MYO16: variants seen among roughly 807,000 people sequenced by gnomAD.
MYO16 encodes the protein unconventional myosin-XVI.
In MYO16, 94 loss-of-function variants were observed where a neutral mutation model predicts 205.3. The ratio of observed to expected loss-of-function variants is 0.46; its 90% CI spans 0.39 to 0.54. The LOEUF (loss-of-function observed/expected upper bound fraction) is 0.54, where lower values mean the gene tolerates loss of function less well. Ranked by LOEUF, MYO16 falls within the 20% of genes least tolerant of loss-of-function variation. The pLI is 0.00. For synonymous variants in MYO16, 988 were observed against 954.0 expected, an observed-to-expected ratio of 1.04 and a Z score of -0.66; for missense variants, 2,315 against 2,387.5, an observed-to-expected ratio of 0.97 and a Z score of 0.63.
chr13:108,983,328 C>T (rs1399049448), intron 20 of MYO16, among the ~76,000 whole-genome samples: 2 of 152,158 alleles, frequency 1.3e-5, no homozygotes, highest in African/African-American at 4.8e-5. Flanking sequence ...AGAAAGTGAT[C>T]AGCCCCAGGA....
upstream of MYO16, among the ~76,000 whole-genome samples, chr13:108,626,487 T>C (rs1879740751): frequency 6.6e-6 from 1 of 152,190 alleles, no homozygotes; most frequent in African/African-American, 2.4e-5. Flanking sequence ...TTCTTGCTAC[T>C]GTCATCAACT....
chr13:108,571,096 A>T, the MYO16 span, among the ~76,000 whole-genome samples: 1 of 152,218 alleles, frequency 6.6e-6, no homozygotes, highest in African/African-American at 2.4e-5. Flanking sequence ...AAAGAAAAAA[A>T]AGATAGCAGA....
At chr13:108,577,520 A>G in the MYO16 span, among the ~76,000 whole-genome samples, 5 of 152,144 alleles carry the variant, frequency 3.3e-5, no homozygotes, top group Admixed American at 2.0e-4. Context: ...CATCTGGAAC[A>G]CCACATCCAA....
intron 4 of MYO16, among the ~76,000 whole-genome samples, chr13:108,774,913 A>G (rs1452706713): frequency 2.0e-5 from 3 of 152,140 alleles, no homozygotes; most frequent in Non-Finnish European, 2.9e-5. Context: ...CCTAATCCAT[A>G]TGTTCTTATA....
intron 27 of MYO16, among the ~76,000 whole-genome samples, chr13:109,056,502 C>G (rs1449393764): frequency 6.6e-6 from 1 of 152,140 alleles, no homozygotes; most frequent in Non-Finnish European, 1.5e-5. Flanking sequence ...ATATATGCTA[C>G]TAAGCACTAT....
At chr13:108,651,472 G>T (rs576361146) in intron 1 of MYO16, among the ~76,000 whole-genome samples, 2 of 152,302 alleles carry the variant, frequency 1.3e-5, no homozygotes, top group African/African-American at 4.8e-5. Flanking sequence ...AAGGGAAATA[G>T]TAAGTGTCAG....
chr13:108,972,377 T>C lies in MYO16; in HGVS notation c.2369+7475T>C, dbSNP rs1341346072. Among the ~76,000 whole-genome samples the C allele has an allele frequency of 1.4e-4, 9 of 63,018 alleles. 2 individuals carry two copies. The East Asian group carries it at 2.4e-3, about 17-fold the overall frequency. The allele number at this position is 63,018 out of a possible 152,430, so 41.3% of individuals were successfully genotyped here. ...ATATATATATATATATATATATATA[T>C]ATATATATATATATATATATAGTGG... On this transcript the variant is annotated intron_variant, in intron 20 of 34. Coordinates refer to ENST00000457511, the MANE Select transcript of MYO16 (RefSeq NM_001198950.3).
intron 4 of MYO16, among the ~76,000 whole-genome samples, chr13:108,745,114 GAT>G (rs2139621648): frequency 6.6e-6 from 1 of 152,298 alleles, no homozygotes; most frequent in East Asian, 1.9e-4. Flanking sequence ...GAAAATCGGT[GAT>G]GTTTCTTGGA....
rs138719509 is a variant in MYO16 at position 109,028,881 on chromosome 13, C to T, written c.2796+8970C>T. Among the ~76,000 whole-genome samples, 238 of 151,586 alleles carry T rather than the reference C, an allele frequency of 1.6e-3. 1 individual carries two copies. Among genetic ancestry groups the T allele is most frequent in the Non-Finnish European group, 2.9e-3 (194 of 67,904 alleles). ...TGACGTGAGGAAAAGAATGAAGTCA[C>T]TGATTTGTAGCCCGTCTGTAAAATA... is the stretch of plus-strand genomic sequence containing the variant. On this transcript the variant is annotated intron_variant, in intron 23 of 34. Transcript: ENST00000457511.
At chr13:108,671,441 C>T (rs1466320953) in intron 2 of MYO16, among the ~76,000 whole-genome samples, 2 of 152,046 alleles carry the variant, frequency 1.3e-5, no homozygotes, top group East Asian at 1.9e-4. Flanking sequence ...AGCAAGGCAA[C>T]CTATATAATT....
chr13:109,166,976 T>G (rs1878694701), intron 33 of MYO16: 1 of 152,220 alleles, frequency 6.6e-6, no homozygotes, highest in Non-Finnish European at 1.5e-5. Flanking sequence ...CACAGTCATC[T>G]TGAGACTTGA....
chr13:108,754,303 G>A (rs34787508), intron 4 of MYO16, among the ~76,000 whole-genome samples: 67,425 of 152,006 alleles, frequency 0.44, 15,461 homozygotes, highest in East Asian at 0.63. Flanking sequence ...GCTGTAGCAT[G>A]CAGGACAAGC....
intron 3 of MYO16, among the ~76,000 whole-genome samples, chr13:108,714,223 T>C (rs572115393): frequency 1.5e-3 from 231 of 152,184 alleles, no homozygotes; most frequent in African/African-American, 5.1e-3. Flanking sequence ...GCCCAGCGAA[T>C]TTTTTGTATT....
chr13:108,694,867 C>T (rs1883029231), intron 2 of MYO16, among the ~76,000 whole-genome samples: 1 of 152,140 alleles, frequency 6.6e-6, no homozygotes, highest in Admixed American at 6.5e-5. Flanking sequence ...AATCCCAGCA[C>T]TTTGGGAGGC....
the MYO16 span, among the ~76,000 whole-genome samples, chr13:108,562,760 A>G: frequency 5.9e-5 from 9 of 152,340 alleles, no homozygotes; most frequent in East Asian, 1.5e-3. Context: ...TAAAGTATTT[A>G]GTATAGTGCA....
the MYO16 span, among the ~76,000 whole-genome samples, chr13:108,525,803 G>A: frequency 1.3e-5 from 2 of 152,168 alleles, no homozygotes; most frequent in African/African-American, 4.8e-5. Flanking sequence ...TTTAATGAAT[G>A]TATTGCACTT....
At chr13:109,094,091 C>G (rs942829440) in intron 27 of MYO16, among the ~76,000 whole-genome samples, 1 of 152,210 alleles carries the variant, frequency 6.6e-6, no homozygotes, top group East Asian at 1.9e-4. Flanking sequence ...CCCACTCCAC[C>G]GGGACTACAG....
At chr13:108,778,987 C>T (rs1886214614) in intron 4 of MYO16, among the ~76,000 whole-genome samples, 1 of 152,228 alleles carries the variant, frequency 6.6e-6, no homozygotes, top group Admixed American at 6.5e-5. Context: ...CACCACAGTC[C>T]TTGTCATCAT....
chr13:108,919,839 A>C (rs1468083065), intron 16 of MYO16, among the ~76,000 whole-genome samples: 6 of 152,368 alleles, frequency 3.9e-5, no homozygotes, highest in African/African-American at 1.4e-4. Flanking sequence ...ATGTGCTCAT[A>C]AAAAACATGA....
Sources: gnomAD v4.1 joint callset for allele counts (sites outside exome capture counted in the v4.1 genomes callset) on GRCh38, gnomAD v4.1.1 for gene constraint, MANE v1.5 for transcripts, NCBI Gene and HGNC (gene_info 2026-07-23, HGNC 2026-07-21) for gene names.